XRCC4: variants seen among roughly 807,000 people sequenced by gnomAD.
XRCC4 encodes the protein DNA repair protein XRCC4.
A neutral mutation model predicts 39.1 loss-of-function variants in XRCC4; 28 were observed. That is an observed-to-expected ratio of 0.72 (90% CI 0.53 to 0.98). The LOEUF is 0.98. Ranked by LOEUF, XRCC4 falls within the 50% of genes least tolerant of loss-of-function variation. The pLI, the probability that XRCC4 is intolerant of heterozygous loss-of-function variation, is 0.00. For missense variants in XRCC4, 350 were observed against 376.4 expected, an observed-to-expected ratio of 0.93 and a Z score of 0.58; for synonymous variants, 123 against 126.4, an observed-to-expected ratio of 0.97 and a Z score of 0.18.
chr5:83,139,687 T>C (rs2112513532), intron 3 of XRCC4, among the ~76,000 whole-genome samples: 1 of 152,334 alleles, frequency 6.6e-6, no homozygotes, highest in African/African-American at 2.4e-5. Flanking sequence ...ATAGTATGTA[T>C]AGCCTGTTGC....
intron 1 of XRCC4, among the ~76,000 whole-genome samples, chr5:83,100,175 T>A (rs1252965226): frequency 6.6e-6 from 1 of 152,176 alleles, no homozygotes. Flanking sequence ...GGGCTATTAA[T>A]GTTAATTGCT....
chr5:83,353,125 T>A lies in XRCC4; in HGVS notation c.894-6T>A. The stretch of plus-strand genomic sequence containing the variant: ...AAAACTATTTTGATTTTCTTTTCAG[T>A]TCTAGGCCTGATTCTTCACTACCTG... On this transcript the variant is annotated splice_polypyrimidine_tract_variant and splice_region_variant and intron_variant, in intron 7 of 7. Transcript: ENST00000396027. The A allele has an allele frequency of 1.9e-6, 3 of 1,595,546 alleles. No individual in the cohort carries two copies. Among genetic ancestry groups the A allele is most frequent in the Non-Finnish European group, 2.6e-6 (3 of 1,174,058 alleles).
the XRCC4 span, among the ~76,000 whole-genome samples, chr5:83,370,679 C>T: frequency 1.3e-5 from 2 of 152,114 alleles, no homozygotes; most frequent in South Asian, 2.1e-4. Context: ...AAGTTGGAAA[C>T]CTCATTGTGA....
chr5:83,273,980 G>C (rs1042727022), intron 7 of XRCC4, among the ~76,000 whole-genome samples: 6 of 151,844 alleles, frequency 4.0e-5, no homozygotes, highest in Non-Finnish European at 8.8e-5. Context: ...AGATACTGCT[G>C]CTCCTGTGTC....
intron 3 of XRCC4, among the ~76,000 whole-genome samples, chr5:83,174,981 C>T (rs779867127): frequency 6.6e-5 from 10 of 152,058 alleles, no homozygotes; most frequent in Admixed American, 2.0e-4. Flanking sequence ...TCTGATTAAT[C>T]GTTCTATAAT....
At chr5:83,364,792 G>T in the XRCC4 span, among the ~76,000 whole-genome samples, 1 of 152,198 alleles carries the variant, frequency 6.6e-6, no homozygotes, top group Non-Finnish European at 1.5e-5. Flanking sequence ...GTTCCAATTA[G>T]TGTCCCAAAG....
intron 7 of XRCC4, chr5:83,310,989 T>C (rs1755691132): frequency 2.9e-6 from 1 of 346,098 alleles, no homozygotes; most frequent in Non-Finnish European, 5.7e-6. Flanking sequence ...GCCAACACCT[T>C]TATTTTAGCC....
intron 6 of XRCC4, among the ~76,000 whole-genome samples, chr5:83,255,304 G>A (rs1753496510): frequency 6.6e-6 from 1 of 152,026 alleles, no homozygotes; most frequent in Middle Eastern, 3.2e-3. Flanking sequence ...ATTACAATAT[G>A]GTTTGCTATT....
intron 1 of XRCC4, among the ~76,000 whole-genome samples, chr5:83,089,417 C>T (rs1302116722): frequency 6.6e-6 from 1 of 152,082 alleles, no homozygotes; most frequent in Non-Finnish European, 1.5e-5. Flanking sequence ...CTTTTTTTCC[C>T]CCAGTGGGGG....
the XRCC4 span, among the ~76,000 whole-genome samples, chr5:83,365,162 C>T: frequency 6.6e-6 from 1 of 152,150 alleles, no homozygotes; most frequent in East Asian, 1.9e-4. Context: ...TGTAAATTTG[C>T]TTCATATGAC....
intron 3 of XRCC4, among the ~76,000 whole-genome samples, chr5:83,183,230 T>G (rs770059008): frequency 6.6e-6 from 1 of 151,200 alleles, no homozygotes; most frequent in Non-Finnish European, 1.5e-5. Context: ...TCTCTCTTGA[T>G]ATGAATCTTC....
chr5:83,146,077 C>A (rs1748438834), intron 3 of XRCC4, among the ~76,000 whole-genome samples: 1 of 152,068 alleles, frequency 6.6e-6, no homozygotes, highest in Non-Finnish European at 1.5e-5. Context: ...GTACTGTGAC[C>A]TAATTCCTTA....
chr5:83,366,420 T>A, the XRCC4 span, among the ~76,000 whole-genome samples: 4 of 152,222 alleles, frequency 2.6e-5, no homozygotes, highest in Non-Finnish European at 5.9e-5. Context: ...AAATTTTTTT[T>A]CTATCAACTT....
intron 3 of XRCC4, among the ~76,000 whole-genome samples, chr5:83,114,008 C>T (rs978518311): frequency 1.3e-5 from 2 of 152,354 alleles, no homozygotes. Flanking sequence ...GCAGGCTCAA[C>T]ACCATATGGA....
intron 3 of XRCC4, among the ~76,000 whole-genome samples, chr5:83,126,266 G>A (rs762585987): frequency 3.3e-5 from 5 of 151,940 alleles, no homozygotes; most frequent in Non-Finnish European, 7.4e-5. Flanking sequence ...AGTCTTTTTG[G>A]CACTGTTATA....
intron 3 of XRCC4, among the ~76,000 whole-genome samples, chr5:83,180,802 T>A (rs940039381): frequency 6.6e-6 from 1 of 152,180 alleles, no homozygotes; most frequent in African/African-American, 2.4e-5. Context: ...TATGAAAGAA[T>A]ACTTTTATAT....
Position 83,125,741 on chromosome 5 carries a change from A to AAT in XRCC4, c.315+14539_315+14540insTA. Among the ~76,000 whole-genome samples, 2 of 100,778 alleles carry AAT rather than the reference A, an allele frequency of 2.0e-5. 1 individual carries two copies. The highest frequency in any genetic ancestry group is 4.1e-5 in the Non-Finnish European group (2 of 48,538). The allele number at this position is 100,778 out of a possible 152,430, so 66.1% of individuals were successfully genotyped here. On this transcript the variant is annotated intron_variant, in intron 3 of 7. Coordinates refer to ENST00000396027, the MANE Select transcript of XRCC4 (RefSeq NM_003401.5). ...CGTCGTGGCACATGCCTGTAATTCCAACAGGCCGAGGCGGGTGGATCACCT... is the reference window on the plus strand; with the variant it reads ...CGTCGTGGCACATGCCTGTAATTCCAATACAGGCCGAGGCGGGTGGATCACCT...
In XRCC4 at chr5:83,318,235, C is replaced by T. The variant is rs551105793; in HGVS notation, c.894-34896C>T. 6.8e-5 allele frequency among the ~76,000 whole-genome samples: 9 copies of T among 133,090 alleles called. No homozygotes were observed. The South Asian group carries it at 9.1e-4, about 13-fold the overall frequency. The allele number at this position is 133,090 out of a possible 152,430, so 87.3% of individuals were successfully genotyped here. On this transcript the variant is annotated intron_variant, in intron 7 of 7. Transcript: ENST00000396027. ...TAATAAGAGCTATCTATGACAAACC[C>T]ACAGCCAATATCATACTGGATGGGC...
At position 83,115,009 on chromosome 5, in the gene XRCC4, G is replaced by A. The variant is rs371218139; in HGVS notation, c.315+3806G>A. 2.0e-5 allele frequency among the ~76,000 whole-genome samples: 3 copies of A among 152,230 alleles called. No homozygotes were observed. In the South Asian group the frequency reaches 6.2e-4, roughly 32 times the overall value. On this transcript the variant is annotated intron_variant, in intron 3 of 7. Coordinates refer to ENST00000396027, the MANE Select transcript of XRCC4 (RefSeq NM_003401.5). The stretch of plus-strand genomic sequence containing the variant: ...CAGGCAAGAGAGCATGTGCAGGGGA[G>A]CTCCCCTTTATAAAACCTTTAGATC...
Sources: gnomAD v4.1 joint callset for allele counts (sites outside exome capture counted in the v4.1 genomes callset) on GRCh38, gnomAD v4.1.1 for gene constraint, MANE v1.5 for transcripts, NCBI Gene and HGNC (gene_info 2026-07-23, HGNC 2026-07-21) for gene names.